Variants in ANK1 observed in about 807,000 individuals in gnomAD.
The protein encoded by ANK1 is ankyrin-1.
A neutral mutation model predicts 210.4 loss-of-function variants in ANK1; 51 were observed. That is an observed-to-expected ratio of 0.24 (90% CI 0.19 to 0.31). The LOEUF is 0.31. Among genes scored for constraint, ANK1 ranks in the 10% least tolerant of loss-of-function variants. The probability of loss-of-function intolerance (pLI) is 1.00; values close to 1 mark genes in which losing one functional copy is unlikely to be tolerated. For synonymous variants in ANK1, 967 were observed against 1,025.9 expected (o/e 0.94, Z 1.10); for missense variants, 2,051 against 2,504.4 (o/e 0.82, Z 3.86).
chr8:41,814,291 C>T (rs901034191), intron 1 of ANK1, among the ~76,000 whole-genome samples: 3 of 149,656 alleles, frequency 2.0e-5, no homozygotes, highest in South Asian at 4.2e-4. Flanking sequence ...ACCCAGGAGG[C>T]GGAGCTTGCA....
At chr8:41,815,477 C>T (rs1803172525) in intron 1 of ANK1, among the ~76,000 whole-genome samples, 1 of 152,014 alleles carries the variant, frequency 6.6e-6, no homozygotes, top group South Asian at 2.1e-4. Flanking sequence ...TATAGGATCC[C>T]TCTTGCTCTC....
chr8:41,851,516 C>T (rs1006878094), intron 1 of ANK1, among the ~76,000 whole-genome samples: 3 of 152,228 alleles, frequency 2.0e-5, no homozygotes, highest in Non-Finnish European at 2.9e-5. Context: ...TCCTGCAGTA[C>T]GACTCCACCT....
intron 1 of ANK1, among the ~76,000 whole-genome samples, chr8:41,865,114 C>T (rs1242486699): frequency 2.0e-5 from 3 of 150,672 alleles, no homozygotes; most frequent in Non-Finnish European, 4.4e-5. Context: ...TGAGCTGAGG[C>T]CTCCCTGGCC....
chr8:41,886,687 A>C (rs1469947386), intron 1 of ANK1, among the ~76,000 whole-genome samples: 1 of 152,200 alleles, frequency 6.6e-6, no homozygotes, highest in Non-Finnish European at 1.5e-5. Flanking sequence ...ACACATTTCC[A>C]AGTATCAGTG....
intron 22 of ANK1, 41 bp from the exon 23 acceptor site, chr8:41,699,589 A>G: frequency 6.3e-7 from 1 of 1,580,810 alleles, no homozygotes; most frequent in Non-Finnish European, 8.7e-7. Context: ...GGGTAGAGGA[A>G]GAAGAGTCCC....
chr8:41,732,151 T>C (rs1264391859), intron 3 of ANK1, among the ~76,000 whole-genome samples: 1 of 152,234 alleles, frequency 6.6e-6, no homozygotes, highest in Non-Finnish European at 1.5e-5. Context: ...GTTCACTTCA[T>C]AACCATAAAT....
intron 1 of ANK1, chr8:41,829,009 A>ATT (rs1563860650): frequency 2.6e-5 from 4 of 152,168 alleles, no homozygotes; most frequent in African/African-American, 9.7e-5. Context: ...CCACCGCCGC[A>ATT]GTTGAAAGAA....
intron 1 of ANK1, among the ~76,000 whole-genome samples, chr8:41,785,086 G>C (rs1181482620): frequency 3.3e-5 from 5 of 152,226 alleles, no homozygotes; most frequent in African/African-American, 9.6e-5. Context: ...GACTGGGCAT[G>C]ATGGCTCACT....
chr8:41,666,102 A>G lies in ANK1; in HGVS notation c.5394+2165T>C, dbSNP rs1192231156. ...AACTCACCTACTGTGGGGTCTTGGG[A>G]AGGCTGGGGACCTTCTCTGTGCCTC... On this transcript the variant is annotated intron_variant, in intron 39 of 42. Transcript: ENST00000289734. 2.6e-5 allele frequency among the ~76,000 whole-genome samples: 4 copies of G among 152,178 alleles called. No individual in the cohort carries two copies. The South Asian group carries it at 6.2e-4, about 24-fold the overall frequency.
chr8:41,697,603 G>A (rs1022794939), intron 24 of ANK1: 13 of 334,474 alleles, frequency 3.9e-5, no homozygotes, highest in African/African-American at 8.6e-5. Flanking sequence ...GGGTTCATGC[G>A]TCCGAGTCCA....
At chr8:41,833,623 T>G (rs1807086287) in intron 1 of ANK1, among the ~76,000 whole-genome samples, 1 of 152,184 alleles carries the variant, frequency 6.6e-6, no homozygotes, top group Non-Finnish European at 1.5e-5. Context: ...GACATCTCCT[T>G]GTCCCTGGGT....
intron 17 of ANK1, among the ~76,000 whole-genome samples, chr8:41,707,839 T>G (rs930499978): frequency 6.6e-6 from 1 of 152,256 alleles, no homozygotes; most frequent in African/African-American, 2.4e-5. Flanking sequence ...ACAAAATCTA[T>G]AGGTTTTTAA....
rs183002159 is a variant in ANK1, at chr8:41,695,026, C to T, written c.3115+151G>A. ...AGCCGCTGAGCATCCTCTCACACAT[C>T]CTGGGGACCCAGGGCTTGTCCACAC... On this transcript the variant is annotated intron_variant, in intron 27 of 42. Transcript: ENST00000289734. The T allele has an allele frequency of 1.3e-4, 151 of 1,161,006 alleles. 1 individual carries two copies. The East Asian group carries it at 3.3e-3, about 25-fold the overall frequency. The allele number at this position is 1,161,006 out of a possible 1,614,324, so 71.9% of individuals were successfully genotyped here.
At chr8:41,722,539 C>T (rs921164170) in intron 9 of ANK1, among the ~76,000 whole-genome samples, 5 of 152,186 alleles carry the variant, frequency 3.3e-5, no homozygotes, top group African/African-American at 7.2e-5. Context: ...CTTGAAGACT[C>T]GAGTCCTTAT....
At chr8:41,711,588 A>G (rs1826141589) in intron 16 of ANK1, among the ~76,000 whole-genome samples, 1 of 152,138 alleles carries the variant, frequency 6.6e-6, no homozygotes, top group Admixed American at 6.5e-5. Flanking sequence ...TCTCAACTTC[A>G]TGCTTTTCTG....
At chr8:41,804,757 C>T (rs1051495617) in intron 1 of ANK1, among the ~76,000 whole-genome samples, 20 of 152,136 alleles carry the variant, frequency 1.3e-4, no homozygotes, top group Non-Finnish European at 5.9e-5. Flanking sequence ...TTAAACTTTA[C>T]ACATCTCCAT....
chr8:41,703,450 A>ATTTTTTTTTT (rs58196949), intron 20 of ANK1, among the ~76,000 whole-genome samples: 25 of 58,816 alleles, frequency 4.3e-4, no homozygotes, highest in African/African-American at 2.2e-3. Context: ...ATATATATAT[A>ATTTTTTTTTT]TTTTTTTTTT....
intron 16 of ANK1, among the ~76,000 whole-genome samples, chr8:41,713,413 C>A (rs1288342570): frequency 2.0e-5 from 3 of 152,218 alleles, no homozygotes; most frequent in Admixed American, 2.0e-4. Context: ...CCTTGTACTA[C>A]CCAACCCCGT....
chr8:41,722,843 C>T (rs1034671898), intron 9 of ANK1, among the ~76,000 whole-genome samples: 3 of 152,190 alleles, frequency 2.0e-5, no homozygotes, highest in African/African-American at 7.2e-5. Context: ...TTTTCTGCTA[C>T]GTTGGCAGTG....
Sources: allele counts gnomAD v4.1 joint callset (sites outside exome capture counted in the v4.1 genomes callset), GRCh38; gene constraint gnomAD v4.1.1; transcripts MANE v1.5; gene names NCBI Gene and HGNC (gene_info 2026-07-23, HGNC 2026-07-21).